Variants in RIF1 observed in about 807,000 individuals in gnomAD.
RIF1 encodes the protein replication timing regulatory factor 1.
Under a neutral mutation model 247.1 loss-of-function variants are expected in RIF1, and 45 were observed. The ratio of observed to expected loss-of-function variants is 0.18; its 90% CI spans 0.14 to 0.23. The LOEUF (loss-of-function observed/expected upper bound fraction) is 0.23. Ranked by LOEUF, RIF1 falls within the 10% of genes least tolerant of loss-of-function variation. RIF1 has a pLI of 1.00. For missense variants in RIF1, 2,967 were observed against 2,862.5 expected (o/e 1.04, Z -0.83); for synonymous variants, 1,087 against 978.8 (o/e 1.11, Z -2.06).
intron 30 of RIF1, among the ~76,000 whole-genome samples, chr2:151,467,018 C>T (rs140419278): frequency 6.6e-6 from 1 of 152,010 alleles, no homozygotes; most frequent in Non-Finnish European, 1.5e-5. Context: ...ACCTGAGGGT[C>T]GGGAGTTCAA....
chr2:151,443,277 T>G lies in RIF1; in HGVS notation c.1753T>G (p.Leu585Val), dbSNP rs778153658. ...DILNGTPALF[L>V]IQLIFNNFLE... is the part of the protein sequence containing the mutation. ...CCTTCAGGGAACTCCAGCTTTGTTC[T>G]TAATTCAATTAATTTTCAACAATTT... The change falls in exon 17 of 36, where the codon TTA (leucine) becomes GTA (valine). Residue 585 changes from leucine (L) to valine (V), a missense_variant. Coordinates refer to ENST00000444746, the MANE Select transcript of RIF1 (RefSeq NM_018151.5). 6.3e-7 allele frequency: 1 copy of G among 1,596,964 alleles called. No homozygotes were observed. Among genetic ancestry groups the G allele is most frequent in the Non-Finnish European group, 8.6e-7 (1 of 1,165,518 alleles).
At position 151,465,355 on chromosome 2, in the gene RIF1, A is replaced by C. The variant is rs1559021026; in HGVS notation, c.5835A>C (p.Glu1945Asp). The C allele has an allele frequency of 6.2e-7, 1 of 1,613,844 alleles. No homozygotes were observed. The highest frequency in any genetic ancestry group is 2.2e-5 in the East Asian group (1 of 44,872). Residue 1945 changes from glutamate to aspartate, a missense_variant, in exon 30 of 36, where the codon GAA (glutamate) becomes GAC (aspartate). By Grantham distance (45) the Glu-to-Asp change is conservative. Transcript: ENST00000444746. The part of the protein sequence containing the change: ...TGISEEAAIE[E>D]NKRNDDSEAD... The stretch of plus-strand genomic sequence containing the variant: ...TTTCTGAAGAAGCAGCAATAGAAGA[A>C]AATAAAAGAAATGATGACTCTGAAG...
intron 8 of RIF1, among the ~76,000 whole-genome samples, chr2:151,425,875 T>C (rs1688980251): frequency 6.6e-6 from 1 of 151,706 alleles, no homozygotes; most frequent in African/African-American, 2.4e-5. Flanking sequence ...GAAGGGGTTT[T>C]ACCACGTTGG....
rs1473915122 is a variant in RIF1, at chr2:151,478,186, A to G, written c.*3115A>G. On this transcript the variant is annotated 3_prime_UTR_variant, in exon 36 of 36. Coordinates refer to ENST00000444746, the MANE Select transcript of RIF1 (RefSeq NM_018151.5). ...AGTTAAAGGATGAATCAGGTTAAAT[A>G]ATGCTGTTGGATAATACAGGCAAAA... 6.6e-6 allele frequency: 1 copy of G among 152,228 alleles called. No homozygotes were observed. Among genetic ancestry groups the G allele is most frequent in the Non-Finnish European group, 1.5e-5 (1 of 68,040 alleles). 9.4% of individuals were successfully genotyped at this position (152,228 alleles called of 1,614,324 possible). A position where few individuals can be genotyped will look rare whatever the true frequency, so the allele number is the denominator to read the frequency against.
chr2:151,478,355 G>A lies in RIF1; in HGVS notation c.*3284G>A, dbSNP rs79475359. On this transcript the variant is annotated 3_prime_UTR_variant, in exon 36 of 36. Transcript: ENST00000444746. Reference sequence around the variant, plus strand: ...ACAAAAACCAGCCAGGCATGTTGGCGCATACTTGTAATCTCAGCTACTCAG... The same window carrying A: ...ACAAAAACCAGCCAGGCATGTTGGCACATACTTGTAATCTCAGCTACTCAG... 4,553 of 152,136 alleles carry A rather than the reference G, an allele frequency of 0.03. 122 individuals carry two copies. Among genetic ancestry groups the A allele is most frequent in the East Asian group, 0.14 (728 of 5,172 alleles). The allele number at this position is 152,136 out of a possible 1,614,324, so 9.4% of individuals were successfully genotyped here.
intron 9 of RIF1, chr2:151,493,998 T>G (rs1255302297): frequency 1.1e-5 from 10 of 871,684 alleles, no homozygotes; most frequent in Non-Finnish European, 1.4e-5. Context: ...GAAGAAAGCT[T>G]AAAAATAGTT....
the RIF1 span, chr2:151,518,877 G>T: frequency 1.2e-6 from 1 of 801,746 alleles, no homozygotes; most frequent in Non-Finnish European, 2.1e-6. Flanking sequence ...GGTATCAGTA[G>T]CAGAGAAGAA....
At chr2:151,436,644 T>G (rs1046842752) in intron 11 of RIF1, among the ~76,000 whole-genome samples, 183 bp from the exon 12 acceptor site, 7 of 152,198 alleles carry the variant, frequency 4.6e-5, no homozygotes, top group Non-Finnish European at 7.4e-5. Flanking sequence ...TTATTTTGTT[T>G]GCCATCTGAG....
the RIF1 span, among the ~76,000 whole-genome samples, chr2:151,522,349 G>A: frequency 6.6e-6 from 1 of 152,100 alleles, no homozygotes; most frequent in Admixed American, 6.5e-5. Context: ...CCAATCTTCA[G>A]TATATTAAAA....
chr2:151,464,198 AAAG>A lies in RIF1; in HGVS notation c.4685_4687del (p.Glu1562del), dbSNP rs536777994. On this transcript the variant is annotated inframe_deletion, in exon 30 of 36. Transcript: ENST00000444746. ...CTCAGAATCTGATAGTTCGGAGGCAAAAGAAGAAGGTTCTAGGAAGAAGAGATC... is the reference window on the plus strand; with the variant it reads ...CTCAGAATCTGATAGTTCGGAGGCAAAAGAAGGTTCTAGGAAGAAGAGATC... 219 of 1,612,160 alleles carry A rather than the reference AAAG, an allele frequency of 1.4e-4. No individual in the cohort carries two copies. In the East Asian group the frequency reaches 4.1e-3, roughly 30 times the overall value.
At chr2:151,524,653 G>GTTTT in the RIF1 span, 5 of 515,218 alleles carry the variant, frequency 9.7e-6, no homozygotes, top group South Asian at 8.2e-5. Flanking sequence ...CAAGAGAGAG[G>GTTTT]CTTTTTTTTT....
the RIF1 span, chr2:151,526,294 G>C: frequency 7.1e-7 from 1 of 1,413,428 alleles, no homozygotes; most frequent in African/African-American, 1.4e-5. Flanking sequence ...CATTTCTTTA[G>C]CTCTGCTGGA....
rs192751084 is a variant in RIF1, at chr2:151,436,683, A to G, written c.1196-144A>G. 2.7e-3 allele frequency: 1,524 copies of G among 575,058 alleles called. 22 individuals are homozygous for G. The highest frequency in any genetic ancestry group is 0.025 in the South Asian group (769 of 30,232). The allele number at this position is 575,058 out of a possible 1,614,324, so 35.6% of individuals were successfully genotyped here. A position where few individuals can be genotyped will look rare whatever the true frequency, so the allele number is the denominator to read the frequency against. ...TCAAAATTTGTTACAGAATACCTGCATATTAATATTTCAAGGTATGGATTA... is the reference window on the plus strand; with the variant it reads ...TCAAAATTTGTTACAGAATACCTGCGTATTAATATTTCAAGGTATGGATTA... On this transcript the variant is annotated intron_variant, in intron 11 of 35. Coordinates refer to ENST00000444746, the MANE Select transcript of RIF1 (RefSeq NM_018151.5).
chr2:151,532,621 A>G, the RIF1 span, among the ~76,000 whole-genome samples: 84 of 152,138 alleles, frequency 5.5e-4, no homozygotes, highest in African/African-American at 2.0e-3. Context: ...GGCAAACAGG[A>G]TATTTATAGG....
chr2:151,486,879 G>T (rs1396395083), downstream of RIF1: 4 of 152,182 alleles, frequency 2.6e-5, no homozygotes, highest in African/African-American at 9.7e-5. Context: ...ATGCCAATGG[G>T]CACCAGCATT....
At position 151,493,678 on chromosome 2, in the gene RIF1, C is replaced by T. The variant is rs2058259476; in HGVS notation, c.*416-1551C>T. Reference sequence around the variant, plus strand: ...ACAAGGAAGAATTTTTAAAGATACACAAAAGTTTTGGAAAAACTGTAAGAT... The same window carrying T: ...ACAAGGAAGAATTTTTAAAGATACATAAAAGTTTTGGAAAAACTGTAAGAT... On this transcript the variant is annotated intron_variant and NMD_transcript_variant, in intron 9 of 13. Transcript: ENST00000454583. 7.6e-6 allele frequency: 8 copies of T among 1,047,580 alleles called. No individual in the cohort carries two copies. The South Asian group carries it at 1.4e-4, about 18-fold the overall frequency. The allele number at this position is 1,047,580 out of a possible 1,614,324, so 64.9% of individuals were successfully genotyped here.
rs142152071 is a variant in RIF1 at position 151,428,801 on chromosome 2, G to A, written c.804G>A (p.Gly268=). 4.9e-5 allele frequency: 79 copies of A among 1,604,630 alleles called. No individual in the cohort carries two copies. Among genetic ancestry groups the A allele is most frequent in the Non-Finnish European group, 6.4e-5 (75 of 1,171,814 alleles). ...CTTTTTAGACCTTGCATCGAAGTGGGAGTTTCATCAATTCTCTCTTGCAAC... is the reference window on the plus strand; with the variant it reads ...CTTTTTAGACCTTGCATCGAAGTGGAAGTTTCATCAATTCTCTCTTGCAAC... ...KLLGRTLHRS[G]SFINSLLQLE... is the part of the protein sequence containing the mutation. Residue 268 remains glycine, a synonymous_variant, in exon 9 of 36, where the codon GGG becomes GGA. Coordinates refer to ENST00000444746, the MANE Select transcript of RIF1 (RefSeq NM_018151.5).
chr2:151,499,332 T>C, intron 10 of RIF1: 1 of 1,541,744 alleles, frequency 6.5e-7, no homozygotes, highest in Non-Finnish European at 8.8e-7. Context: ...TTTGACTCTC[T>C]CCATCTCTGG....
chr2:151,516,597 T>C, the RIF1 span: 7 of 1,354,458 alleles, frequency 5.2e-6, no homozygotes, highest in Non-Finnish European at 6.3e-6. Flanking sequence ...ATATCTCTCC[T>C]CTGGTCAATT....
Sources: allele counts gnomAD v4.1 joint callset (sites outside exome capture counted in the v4.1 genomes callset), GRCh38; gene constraint gnomAD v4.1.1; transcripts MANE v1.5; gene names NCBI Gene and HGNC (gene_info 2026-07-23, HGNC 2026-07-21).